Variants in BANF2 observed in about 807,000 individuals in gnomAD.
The protein encoded by BANF2 is BANF family member 2, also known as barrier-to-autointegration factor-like protein.
BANF2 carries 4 observed loss-of-function variants against 8.0 expected under a neutral mutation model. The observed-to-expected ratio is 0.50, with a 90% CI of 0.25 to 1.14. BANF2 has a LOEUF of 1.14. Ranked by LOEUF, BANF2 falls within the 50% of genes most tolerant of loss-of-function variation. The pLI, the probability that BANF2 is intolerant of heterozygous loss-of-function variation, is 0.16. For missense variants in BANF2, 96 were observed against 107.5 expected (o/e 0.89, Z 0.47); for synonymous variants, 50 against 40.6 (o/e 1.23, Z -0.88).
chr20:17,725,228 G>A, intron 3 of BANF2, 77 bp downstream of exon 3: 2 of 1,506,122 alleles, frequency 1.3e-6, no homozygotes, highest in Admixed American at 1.7e-5. Flanking sequence ...GGCAGTTCCT[G>A]CCACGTGTCC....
intron 1 of BANF2, among the ~76,000 whole-genome samples, chr20:17,706,260 G>C (rs753641501): frequency 6.6e-6 from 1 of 152,124 alleles, no homozygotes; most frequent in Admixed American, 6.5e-5. Flanking sequence ...TGACGTGAGG[G>C]TGATTGTTAT....
At chr20:17,724,249 G>T (rs1174759808) in intron 2 of BANF2, among the ~76,000 whole-genome samples, 1 of 152,180 alleles carries the variant, frequency 6.6e-6, no homozygotes, top group African/African-American at 2.4e-5. Context: ...CTTTTTGCCT[G>T]GGGCCTGCAA....
Position 17,735,761 on chromosome 20 carries a change from G to A in BANF2, c.223G>A (p.Ala75Thr), listed in dbSNP as rs748460544. 4 of 1,613,972 alleles carry A rather than the reference G, an allele frequency of 2.5e-6. No individual in the cohort carries two copies. In the South Asian group the frequency reaches 4.4e-5, roughly 18 times the overall value. ...CTGTTTTGGTGCCACTGAGTGTGAGGCCCAGCAGACTTCTCACTGCCTCAA... is the reference window on the plus strand; with the variant it reads ...CTGTTTTGGTGCCACTGAGTGTGAGACCCAGCAGACTTCTCACTGCCTCAA... ...ICCFGATECE[A>T]QQTSHCLKEW... Residue 75 changes from alanine (A) to threonine (T), a missense_variant, in exon 4 of 4, where the codon GCC becomes ACC. By Grantham distance (58) the Ala-to-Thr change is moderately conservative. Transcript: ENST00000246090.
At chr20:17,724,795 A>G (rs571645222) in intron 2 of BANF2, among the ~76,000 whole-genome samples, 2 of 152,334 alleles carry the variant, frequency 1.3e-5, no homozygotes, top group East Asian at 3.9e-4. Flanking sequence ...ATCTGTGGCC[A>G]TCATTCGGCT....
chr20:17,711,967 T>C (rs2037580424), intron 1 of BANF2, among the ~76,000 whole-genome samples: 1 of 152,192 alleles, frequency 6.6e-6, no homozygotes, highest in Non-Finnish European at 1.5e-5. Context: ...CTGCCCCTCC[T>C]CCGTCCTTCC....
At chr20:17,708,462 G>T (rs1331895144) in intron 1 of BANF2, among the ~76,000 whole-genome samples, 1 of 152,024 alleles carries the variant, frequency 6.6e-6, no homozygotes, top group Non-Finnish European at 1.5e-5. Context: ...TCTAAACGTT[G>T]GGCTTCTCTT....
chr20:17,726,468 G>A (rs1397168241), intron 3 of BANF2, among the ~76,000 whole-genome samples: 1 of 152,140 alleles, frequency 6.6e-6, no homozygotes, highest in Non-Finnish European at 1.5e-5. Flanking sequence ...GATTATAGGT[G>A]CAAGCCATCA....
chr20:17,730,398 G>A (rs981304616), intron 3 of BANF2, among the ~76,000 whole-genome samples: 3 of 152,114 alleles, frequency 2.0e-5, no homozygotes, highest in East Asian at 1.9e-4. Flanking sequence ...GGTGCTTCTC[G>A]CGCGGCTTCT....
chr20:17,704,895 A>G (rs906842256), intron 1 of BANF2, among the ~76,000 whole-genome samples: 1 of 152,146 alleles, frequency 6.6e-6, no homozygotes, highest in Non-Finnish European at 1.5e-5. Context: ...GGAAGGAGAG[A>G]CGAACACTCA....
At chr20:17,721,521 A>G (rs952006074) in intron 1 of BANF2, among the ~76,000 whole-genome samples, 1 of 151,864 alleles carries the variant, frequency 6.6e-6, no homozygotes, top group Admixed American at 6.6e-5. Context: ...CCTCCCGAGT[A>G]GTTGGGATTA....
upstream of BANF2, among the ~76,000 whole-genome samples, chr20:17,696,121 AAAG>A (rs755052350): frequency 3.0e-4 from 45 of 152,216 alleles, no homozygotes; most frequent in Non-Finnish European, 6.2e-4. Context: ...TATGATGAGT[AAAG>A]AAGTTATGAC....
chr20:17,700,883 T>C (rs1362465320), intron 1 of BANF2, among the ~76,000 whole-genome samples: 2 of 152,220 alleles, frequency 1.3e-5, no homozygotes, highest in Admixed American at 1.3e-4. Flanking sequence ...ACAGTCTGTC[T>C]ACGGTCCATT....
chr20:17,719,075 G>A (rs2037693944), intron 1 of BANF2, among the ~76,000 whole-genome samples: 1 of 152,170 alleles, frequency 6.6e-6, no homozygotes, highest in African/African-American at 2.4e-5. Context: ...CCTGAAAGAT[G>A]GAGAGCTGGT....
chr20:17,696,001 A>G (rs1221850534), upstream of BANF2, among the ~76,000 whole-genome samples: 1 of 152,192 alleles, frequency 6.6e-6, no homozygotes, highest in Non-Finnish European at 1.5e-5. Context: ...TATATGCATC[A>G]AGAGTTTGTT....
chr20:17,723,717 G>A (rs567630364), intron 2 of BANF2, among the ~76,000 whole-genome samples: 14 of 152,302 alleles, frequency 9.2e-5, no homozygotes, highest in Admixed American at 6.5e-4. Flanking sequence ...GATGGCGGCC[G>A]GGCGCAGCAG....
intron 3 of BANF2, among the ~76,000 whole-genome samples, chr20:17,727,098 G>A (rs1471590148): frequency 2.1e-5 from 3 of 141,214 alleles, no homozygotes; most frequent in Non-Finnish European, 4.6e-5. Context: ...TAGGTGGGTG[G>A]GTTTTAGAAC....
At chr20:17,707,359 G>A (rs2037497127) in intron 1 of BANF2, among the ~76,000 whole-genome samples, 1 of 143,326 alleles carries the variant, frequency 7.0e-6, no homozygotes, top group East Asian at 1.9e-4. Flanking sequence ...CTCTGGCCTG[G>A]GGGACAGAGC....
chr20:17,714,880 C>T (rs2037628771), intron 1 of BANF2, among the ~76,000 whole-genome samples: 1 of 152,114 alleles, frequency 6.6e-6, no homozygotes, highest in Non-Finnish European at 1.5e-5. Context: ...AGTCTCCCCG[C>T]CCTGTGCCCC....
At chr20:17,735,411 G>C (rs942485983) in intron 3 of BANF2, among the ~76,000 whole-genome samples, 1 of 152,154 alleles carries the variant, frequency 6.6e-6, no homozygotes, top group Non-Finnish European at 1.5e-5. Flanking sequence ...AGTTTGAAGG[G>C]GGCAGGGTCT....
Sources: gnomAD v4.1 joint callset for allele counts (sites outside exome capture counted in the v4.1 genomes callset) on GRCh38, gnomAD v4.1.1 for gene constraint, MANE v1.5 for transcripts, NCBI Gene and HGNC (gene_info 2026-07-23, HGNC 2026-07-21) for gene names.